PTPRN2: variants seen among roughly 807,000 people sequenced by gnomAD.
PTPRN2 encodes protein tyrosine phosphatase receptor type N2.
A neutral mutation model predicts 118.8 loss-of-function variants in PTPRN2; 74 were observed. The observed-to-expected ratio is 0.62, with a 90% CI of 0.52 to 0.76. The LOEUF is 0.76. Ranked by LOEUF, PTPRN2 falls within the 30% of genes least tolerant of loss-of-function variation. The pLI, the probability that PTPRN2 is intolerant of heterozygous loss-of-function variation, is 0.00. For missense variants in PTPRN2, 1,481 were observed against 1,394.4 expected, an observed-to-expected ratio of 1.06 and a Z score of -0.99; for synonymous variants, 641 against 608.0, an observed-to-expected ratio of 1.05 and a Z score of -0.80.
At chr7:158,372,251 A>AAT (rs1810078150) in intron 2 of PTPRN2, among the ~76,000 whole-genome samples, 1 of 130,458 alleles carries the variant, frequency 7.7e-6, no homozygotes, top group South Asian at 2.5e-4. Flanking sequence ...TGGCCTCCCC[A>AAT]GTGCTGGTCC....
chr7:157,742,298 G>A (rs1800679884), intron 12 of PTPRN2, among the ~76,000 whole-genome samples: 1 of 152,196 alleles, frequency 6.6e-6, no homozygotes, highest in South Asian at 2.1e-4. Context: ...ACAGGTGACT[G>A]GGGTAACCAG....
In PTPRN2 at chr7:157,615,417, G is replaced by A; in HGVS notation, c.2344+5945C>T. The A allele has an allele frequency of 2.1e-6, 1 of 471,126 alleles. No individual in the cohort carries two copies. The highest frequency in any genetic ancestry group is 1.5e-5 in the South Asian group (1 of 64,568). 29.2% of individuals were successfully genotyped at this position (471,126 alleles called of 1,614,324 possible). ...CAGCTCTGTCCCTGTGTGAATCTCA[G>A]GGCTGTTTCGAGGATGAAAAGGAGG... On this transcript the variant is annotated intron_variant, in intron 15 of 22. Transcript: ENST00000389418. The surrounding 1 kb of genome is among the most constrained non-coding windows in gnomAD (Gnocchi z 4.3).
chr7:158,487,958 C>T (rs578243981), intron 2 of PTPRN2, among the ~76,000 whole-genome samples: 5 of 152,246 alleles, frequency 3.3e-5, no homozygotes, highest in East Asian at 3.9e-4. Flanking sequence ...AAGGAATCCA[C>T]AGTCATTATC....
chr7:158,378,220 C>T (rs140766617), intron 2 of PTPRN2, among the ~76,000 whole-genome samples: 1 of 152,200 alleles, frequency 6.6e-6, no homozygotes, highest in Non-Finnish European at 1.5e-5. Context: ...AACCCTTGAC[C>T]TTGACAATGG....
chr7:158,119,705 T>G (rs1384590185), intron 9 of PTPRN2, among the ~76,000 whole-genome samples: 2 of 152,190 alleles, frequency 1.3e-5, no homozygotes, highest in Admixed American at 1.3e-4. Context: ...CTGTTGTTAA[T>G]CTCATACTCT....
chr7:158,321,921 C>T (rs1803053024), intron 2 of PTPRN2, among the ~76,000 whole-genome samples: 1 of 152,174 alleles, frequency 6.6e-6, no homozygotes, highest in African/African-American at 2.4e-5. Flanking sequence ...GCCGCCAATC[C>T]AACATCATAA....
chr7:157,656,925 C>CCA (rs1403713721), intron 13 of PTPRN2, among the ~76,000 whole-genome samples: 1 of 126,366 alleles, frequency 7.9e-6, no homozygotes, highest in Non-Finnish European at 1.7e-5. Flanking sequence ...CACACACACG[C>CCA]CACACACACA....
At chr7:157,940,306 T>A (rs1208660531) in intron 11 of PTPRN2, among the ~76,000 whole-genome samples, 2 of 152,292 alleles carry the variant, frequency 1.3e-5, no homozygotes, top group East Asian at 3.9e-4. Context: ...AGGTCTGTGC[T>A]CCTTACTTTC....
At chr7:157,640,625 T>G (rs1396258574) in intron 14 of PTPRN2, among the ~76,000 whole-genome samples, 1 of 152,124 alleles carries the variant, frequency 6.6e-6, no homozygotes, top group Non-Finnish European at 1.5e-5. Context: ...ACAGTAAAGG[T>G]TAATCAGGAA....
intron 1 of PTPRN2, among the ~76,000 whole-genome samples, chr7:158,493,389 A>G (rs2129445673): frequency 7.8e-6 from 1 of 127,580 alleles, no homozygotes; most frequent in Non-Finnish European, 1.7e-5. Flanking sequence ...ACACACTCAT[A>G]CATGTGAGCA....
intron 2 of PTPRN2, among the ~76,000 whole-genome samples, chr7:158,327,772 G>A (rs1296934904): frequency 1.3e-5 from 2 of 152,150 alleles, no homozygotes; most frequent in African/African-American, 4.8e-5. Flanking sequence ...CCTTGCCAAA[G>A]TACCTTCAAT....
intron 2 of PTPRN2, among the ~76,000 whole-genome samples, chr7:158,460,730 A>G (rs1818925685): frequency 6.6e-6 from 1 of 150,680 alleles, no homozygotes; most frequent in African/African-American, 2.4e-5. Context: ...CCCATGGGAA[A>G]GTCAAGCCAT....
chr7:158,006,960 G>A (rs1805670810), intron 11 of PTPRN2, among the ~76,000 whole-genome samples: 1 of 152,160 alleles, frequency 6.6e-6, no homozygotes, highest in South Asian at 2.1e-4. Context: ...CTCACAGCCT[G>A]AGCGGCTCAA....
Position 157,764,743 on chromosome 7 carries a change from T to G in PTPRN2, c.1789-81806A>C, listed in dbSNP as rs1177693202. Among the ~76,000 whole-genome samples the G allele has an allele frequency of 1.3e-5, 2 of 152,090 alleles. No individual in the cohort carries two copies. Among genetic ancestry groups the G allele is most frequent in the Non-Finnish European group, 2.9e-5 (2 of 68,002 alleles). On this transcript the variant is annotated intron_variant, in intron 12 of 22. Coordinates refer to ENST00000389418, the MANE Select transcript of PTPRN2 (RefSeq NM_002847.5). This position sits in a 1 kb window ranked among gnomAD's most constrained non-coding sequence, Gnocchi z 4.5. Reference sequence around the variant, plus strand: ...TTATATATTTTACCACAATAAAAAATTAAAAAATAAAAGAGTGAGAGACTG... The same window carrying G: ...TTATATATTTTACCACAATAAAAAAGTAAAAAATAAAAGAGTGAGAGACTG...
chr7:158,245,389 G>A (rs1012581258), intron 3 of PTPRN2, among the ~76,000 whole-genome samples: 2 of 152,392 alleles, frequency 1.3e-5, no homozygotes, highest in East Asian at 3.9e-4. Context: ...TTCAGAGCTG[G>A]TCAAACGGGA....
chr7:158,026,450 G>A (rs1297725108), intron 11 of PTPRN2, among the ~76,000 whole-genome samples: 2 of 152,300 alleles, frequency 1.3e-5, no homozygotes, highest in East Asian at 3.9e-4. Flanking sequence ...CGGACAGCAT[G>A]GCGTGGATTT....
intron 5 of PTPRN2, among the ~76,000 whole-genome samples, chr7:158,188,243 G>C (rs186721766): frequency 0.026 from 344 of 13,074 alleles, 106 homozygotes; most frequent in East Asian, 0.15. Context: ...CGCTTGCCCC[G>C]CGATGGGGAA....
Position 157,615,322 on chromosome 7 carries a change from G to C in PTPRN2, c.2344+6040C>G, listed in dbSNP as rs972248718. On this transcript the variant is annotated intron_variant, in intron 15 of 22. Coordinates refer to ENST00000389418, the MANE Select transcript of PTPRN2 (RefSeq NM_002847.5). The surrounding 1 kb of genome is among the most constrained non-coding windows in gnomAD (Gnocchi z 4.3). ...GTGTGCGTGGGTTGCGGCTGGGTCT[G>C]CGCTGGGGTAGTGTAGGCTGCACTC... 2.5e-6 allele frequency: 1 copy of C among 402,874 alleles called. No individual in the cohort carries two copies. The highest frequency in any genetic ancestry group is 1.9e-5 in the South Asian group (1 of 53,746). 25.0% of individuals were successfully genotyped at this position (402,874 alleles called of 1,614,324 possible). A position where few individuals can be genotyped will look rare whatever the true frequency, so the allele number is the denominator to read the frequency against.
At chr7:158,032,590 A>G (rs1339494194) in intron 11 of PTPRN2, among the ~76,000 whole-genome samples, 1 of 152,162 alleles carries the variant, frequency 6.6e-6, no homozygotes, top group Non-Finnish European at 1.5e-5. Context: ...CGGGCTGGAC[A>G]CCGAGAATCT....
Sources: allele counts gnomAD v4.1 joint callset (sites outside exome capture counted in the v4.1 genomes callset), GRCh38; gene constraint gnomAD v4.1.1; non-coding constraint Gnocchi (gnomAD v3.1); transcripts MANE v1.5; gene names NCBI Gene and HGNC (gene_info 2026-07-23, HGNC 2026-07-21).